The following SAMSN1 variants were observed in gnomAD, a reference collection of about 807,000 sequenced individuals.
SAMSN1 encodes the protein SAM domain-containing protein SAMSN-1.
In SAMSN1, 31 loss-of-function variants were observed where a neutral mutation model predicts 42.0. That is an observed-to-expected ratio of 0.74 (90% CI 0.55 to 1.00). SAMSN1 has a LOEUF of 1.00. Among genes scored for constraint, SAMSN1 ranks in the 50% least tolerant of loss-of-function variants. The pLI is 0.00. For missense variants in SAMSN1, 464 were observed against 439.4 expected (o/e 1.06, Z -0.50); for synonymous variants, 178 against 151.9 (o/e 1.17, Z -1.26).
At chr21:14,609,153 A>C (rs750506883) in intron 5 of SAMSN1, among the ~76,000 whole-genome samples, 8 of 152,048 alleles carry the variant, frequency 5.3e-5, no homozygotes, top group Admixed American at 3.3e-4. Flanking sequence ...CTCGTGCTCT[A>C]ATTTTTAATA....
At chr21:14,540,746 C>T (rs1222603536) in intron 1 of SAMSN1, among the ~76,000 whole-genome samples, 3 of 152,182 alleles carry the variant, frequency 2.0e-5, no homozygotes, top group African/African-American at 7.2e-5. Context: ...GGATCTAGAA[C>T]TAGTAATTCC....
At chr21:14,511,834 C>T (rs75039218) in intron 4 of SAMSN1, among the ~76,000 whole-genome samples, 1,964 of 152,166 alleles carry the variant, frequency 0.013, 33 homozygotes, top group Middle Eastern at 0.044. Context: ...CTTTGGATCC[C>T]TTTTTGCCAC....
intron 7 of SAMSN1, among the ~76,000 whole-genome samples, chr21:14,490,908 T>G (rs529920477): frequency 6.6e-6 from 1 of 152,130 alleles, no homozygotes; most frequent in South Asian, 2.1e-4. Context: ...AGAGGCATAC[T>G]CACTCAAGAT....
intron 2 of SAMSN1, among the ~76,000 whole-genome samples, chr21:14,573,901 C>T (rs186021949): frequency 1.3e-5 from 2 of 152,306 alleles, no homozygotes; most frequent in Admixed American, 1.3e-4. Context: ...CAGCTTCTAA[C>T]ACACCATGCT....
chr21:14,590,810 C>A (rs776970008), intron 7 of SAMSN1, among the ~76,000 whole-genome samples: 2 of 152,166 alleles, frequency 1.3e-5, no homozygotes, highest in Non-Finnish European at 2.9e-5. Flanking sequence ...TCTATATCTT[C>A]ATTTCCTCCT....
intron 7 of SAMSN1, chr21:14,591,314 T>C (rs1982076975): frequency 6.6e-6 from 1 of 152,196 alleles, no homozygotes; most frequent in Non-Finnish European, 1.5e-5. Context: ...TATTTATTCA[T>C]TTATCAGATG....
At chr21:14,574,008 G>T (rs76779477) in intron 2 of SAMSN1, among the ~76,000 whole-genome samples, 5,938 of 152,236 alleles carry the variant, frequency 0.039, 158 homozygotes, top group African/African-American at 0.069. Context: ...AACACTTGGA[G>T]CATTTGCCAA....
At chr21:14,489,286 A>T (rs886187503) in intron 7 of SAMSN1, among the ~76,000 whole-genome samples, 2 of 152,208 alleles carry the variant, frequency 1.3e-5, no homozygotes, top group Non-Finnish European at 2.9e-5. Flanking sequence ...GACTTCCCAT[A>T]GGATGTTTCA....
At chr21:14,529,135 T>C (rs1029255971) in intron 1 of SAMSN1, among the ~76,000 whole-genome samples, 3 of 152,218 alleles carry the variant, frequency 2.0e-5, no homozygotes, top group African/African-American at 7.2e-5. Flanking sequence ...CGAACTCATT[T>C]ATATCTCTAA....
intron 1 of SAMSN1, chr21:14,582,533 C>T: frequency 1.4e-6 from 1 of 693,778 alleles, no homozygotes; most frequent in East Asian, 2.7e-5. Flanking sequence ...TATAATTCTT[C>T]ACATATAGGA....
At chr21:14,535,552 G>A (rs777924041) in intron 1 of SAMSN1, among the ~76,000 whole-genome samples, 13 of 152,292 alleles carry the variant, frequency 8.5e-5, no homozygotes, top group Non-Finnish European at 1.5e-4. Flanking sequence ...TCGTATGTTT[G>A]AAGCCCTAAC....
chr21:14,647,276 G>C (rs1415709498), intron 1 of SAMSN1, among the ~76,000 whole-genome samples: 2 of 151,964 alleles, frequency 1.3e-5, no homozygotes, highest in Non-Finnish European at 2.9e-5. Flanking sequence ...TCTCAGGTTT[G>C]TCAAAGATCA....
intron 5 of SAMSN1, among the ~76,000 whole-genome samples, chr21:14,508,571 G>T (rs1987532663): frequency 6.6e-6 from 1 of 152,158 alleles, no homozygotes; most frequent in Non-Finnish European, 1.5e-5. Flanking sequence ...TGTTAGCATG[G>T]ATGTACTGAA....
At chr21:14,619,598 C>A in intron 2 of SAMSN1, 1 of 225,510 alleles carries the variant, frequency 4.4e-6, no homozygotes. Flanking sequence ...TATTGAACAT[C>A]TACTATGTAC....
intron 4 of SAMSN1, among the ~76,000 whole-genome samples, chr21:14,610,756 AT>A (rs1284160205): frequency 6.6e-6 from 1 of 152,220 alleles, no homozygotes; most frequent in African/African-American, 2.4e-5. Flanking sequence ...GTTCCCCCAT[AT>A]CAGGGAGTTC....
intron 1 of SAMSN1, among the ~76,000 whole-genome samples, chr21:14,649,094 A>G (rs1983776374): frequency 6.6e-6 from 1 of 152,118 alleles, no homozygotes. Flanking sequence ...GCAGCCATAA[A>G]AAAGGATGAG....
intron 2 of SAMSN1, among the ~76,000 whole-genome samples, chr21:14,629,800 A>T (rs904159850): frequency 6.6e-6 from 1 of 152,166 alleles, no homozygotes; most frequent in Non-Finnish European, 1.5e-5. Context: ...GAGCACTATA[A>T]ATATCCAGGA....
At chr21:14,612,588 AAGCTACACATGGAG>A (rs1340767238) in intron 4 of SAMSN1, 5 of 523,150 alleles carry the variant, frequency 9.6e-6, no homozygotes, top group Non-Finnish European at 1.9e-5. Context: ...CGGAGCAGCC[AAGCTACACATGGAG>A]AGCTGGAAGA....
At chr21:14,642,913 T>A in intron 2 of SAMSN1, 1 of 599,522 alleles carries the variant, frequency 1.7e-6, no homozygotes, top group South Asian at 2.3e-5. Flanking sequence ...AACAGTGAAT[T>A]TTTGCTGTAT....
Sources: allele counts gnomAD v4.1 joint callset (sites outside exome capture counted in the v4.1 genomes callset), GRCh38; gene constraint gnomAD v4.1.1; transcripts MANE v1.5; gene names NCBI Gene and HGNC (gene_info 2026-07-23, HGNC 2026-07-21).